Variants in MPP7 observed in about 807,000 individuals in gnomAD.
The protein encoded by MPP7 is MAGUK p55 subfamily member 7.
In MPP7, 60 loss-of-function variants were observed where a neutral mutation model predicts 76.5. That is an observed-to-expected ratio of 0.78 (90% CI 0.64 to 0.97). The LOEUF is 0.97. MPP7 is among the 50% of genes least tolerant of loss of function. The pLI is 0.00. For synonymous variants in MPP7, 237 were observed against 244.5 expected, an observed-to-expected ratio of 0.97 and a Z score of 0.29; for missense variants, 641 against 694.0, an observed-to-expected ratio of 0.92 and a Z score of 0.86.
At chr10:28,208,852 T>A (rs1838034267) in intron 2 of MPP7, among the ~76,000 whole-genome samples, 2 of 152,282 alleles carry the variant, frequency 1.3e-5, no homozygotes, top group South Asian at 4.2e-4. Flanking sequence ...TAGGTATGTG[T>A]CCCCTCTAAG....
intron 4 of MPP7, among the ~76,000 whole-genome samples, chr10:28,149,703 C>A (rs75010818): frequency 0.11 from 14,910 of 139,756 alleles, 1,201 homozygotes; most frequent in African/African-American, 0.24. Flanking sequence ...CAGCTGACAG[C>A]TTCTCTCTCT....
intron 12 of MPP7, among the ~76,000 whole-genome samples, chr10:28,081,414 C>T (rs1852754787): frequency 6.6e-6 from 1 of 152,140 alleles, no homozygotes; most frequent in Admixed American, 6.6e-5. Flanking sequence ...CATTTGGTTT[C>T]AACATACTTT....
intron 11 of MPP7, chr10:28,118,726 A>G (rs1588798173): frequency 1.0e-6 from 1 of 985,386 alleles, no homozygotes; most frequent in East Asian, 1.1e-4. Flanking sequence ...CACTTTAAGC[A>G]TTTGCCTGCT....
At chr10:28,259,199 C>T (rs1839876066) in intron 1 of MPP7, among the ~76,000 whole-genome samples, 1 of 152,178 alleles carries the variant, frequency 6.6e-6, no homozygotes, top group South Asian at 2.1e-4. Flanking sequence ...ACAATTTTTA[C>T]ATTACATACA....
chr10:28,241,215 A>C (rs866485058), intron 1 of MPP7, among the ~76,000 whole-genome samples: 14 of 152,146 alleles, frequency 9.2e-5, no homozygotes, highest in South Asian at 2.1e-4. Flanking sequence ...ATTCCAAATC[A>C]AAATATCCTT....
At chr10:28,064,199 C>T (rs1588713948) in intron 13 of MPP7, among the ~76,000 whole-genome samples, 1 of 152,112 alleles carries the variant, frequency 6.6e-6, no homozygotes, top group East Asian at 1.9e-4. Context: ...TCCTCATCAA[C>T]AGGTGCATGG....
At chr10:28,152,034 T>C (rs1835900239) in intron 3 of MPP7, among the ~76,000 whole-genome samples, 1 of 152,238 alleles carries the variant, frequency 6.6e-6, no homozygotes, top group South Asian at 2.1e-4. Flanking sequence ...TCCCTTGTGT[T>C]TTCTTTCTGA....
intron 1 of MPP7, among the ~76,000 whole-genome samples, chr10:28,274,101 CTTTT>C (rs60127503): frequency 8.1e-6 from 1 of 123,660 alleles, no homozygotes; most frequent in Non-Finnish European, 1.7e-5. Context: ...AAATTTTTTT[CTTTT>C]TTTTTTTTTT....
At chr10:28,088,906 C>T (rs1037033858) in intron 12 of MPP7, among the ~76,000 whole-genome samples, 1 of 152,108 alleles carries the variant, frequency 6.6e-6, no homozygotes, top group Admixed American at 6.5e-5. Context: ...GACAGAGTCT[C>T]GCTCTGTCAC....
At chr10:28,314,412 G>T (rs1028956026) in intron 2 of MPP7, among the ~76,000 whole-genome samples, 1 of 152,222 alleles carries the variant, frequency 6.6e-6, no homozygotes, top group African/African-American at 2.4e-5. Context: ...GGAAACAAAA[G>T]AAAACAAGGC....
chr10:28,239,761 A>T (rs908010452), intron 1 of MPP7, among the ~76,000 whole-genome samples: 2 of 152,238 alleles, frequency 1.3e-5, no homozygotes, highest in African/African-American at 4.8e-5. Context: ...CAAGGGATCT[A>T]GAGTTTGACC....
intron 16 of MPP7, among the ~76,000 whole-genome samples, chr10:28,054,454 A>G (rs1470027012): frequency 6.6e-6 from 1 of 152,168 alleles, no homozygotes; most frequent in Non-Finnish European, 1.5e-5. Flanking sequence ...GTAACAAAAA[A>G]CTACTCTGGC....
intron 1 of MPP7, among the ~76,000 whole-genome samples, chr10:28,255,074 GCACTCACTCTA>G: frequency 6.6e-6 from 1 of 152,264 alleles, no homozygotes. Flanking sequence ...CTAAATGTAT[GCACTCACTCTA>G]ACATAGTGCA....
chr10:28,272,363 C>T (rs750585549), intron 1 of MPP7, among the ~76,000 whole-genome samples: 5 of 152,170 alleles, frequency 3.3e-5, no homozygotes, highest in Non-Finnish European at 5.9e-5. Flanking sequence ...CTTAAATGTG[C>T]ACTTTTTGGC....
intron 12 of MPP7, among the ~76,000 whole-genome samples, chr10:28,079,922 G>T (rs1852679765): frequency 5.3e-5 from 8 of 151,974 alleles, no homozygotes; most frequent in Admixed American, 3.9e-4. Context: ...AGGAGTTCCA[G>T]ACCAGCCTGG....
intron 1 of MPP7, among the ~76,000 whole-genome samples, chr10:28,255,332 T>C (rs1839749834): frequency 6.6e-6 from 1 of 151,962 alleles, no homozygotes; most frequent in Non-Finnish European, 1.5e-5. Flanking sequence ...TAGGCTGGTG[T>C]CAAACTCCTG....
intron 2 of MPP7, among the ~76,000 whole-genome samples, chr10:28,212,416 T>C (rs7081651): frequency 0.38 from 57,063 of 151,998 alleles, 11,138 homozygotes; most frequent in East Asian, 0.59. Context: ...CCATCACCTA[T>C]AATGGGGAAG....
chr10:28,242,202 A>G (rs1355489319), intron 1 of MPP7, among the ~76,000 whole-genome samples: 1 of 152,218 alleles, frequency 6.6e-6, no homozygotes, highest in African/African-American at 2.4e-5. Flanking sequence ...ATCATAAACT[A>G]CTTTAATAAT....
chr10:28,089,807 T>C lies in MPP7; in HGVS notation c.987A>G (p.Lys329=). ...ACATGGATTTATTTGTTTTCTTATCTTTTCTACTAAGACGAAAACTTTTTC... is the reference window on the plus strand; with the variant it reads ...ACATGGATTTATTTGTTTTCTTATCCTTTCTACTAAGACGAAAACTTTTTC... The part of the protein sequence containing the change: ...GFRKSFRLSR[K]DKKTNKSMYE... The change falls in exon 12 of 17, where the codon AAA becomes AAG. Residue 329 remains lysine (K), a synonymous_variant. Coordinates refer to ENST00000683449, the MANE Select transcript of MPP7 (RefSeq NM_001318170.2). 1 of 1,586,256 alleles carries C rather than the reference T, an allele frequency of 6.3e-7. No individual in the cohort carries two copies.
Sources: gnomAD v4.1 joint callset for allele counts (sites outside exome capture counted in the v4.1 genomes callset) on GRCh38, gnomAD v4.1.1 for gene constraint, MANE v1.5 for transcripts, NCBI Gene and HGNC (gene_info 2026-07-23, HGNC 2026-07-21) for gene names.